Variants in ASTN2 observed in about 807,000 individuals in gnomAD.
ASTN2 encodes astrotactin-2.
ASTN2 carries 54 observed loss-of-function variants against 139.8 expected under a neutral mutation model. That is an observed-to-expected ratio of 0.39 (90% CI 0.31 to 0.48). The LOEUF is 0.48. Among genes scored for constraint, ASTN2 ranks in the 20% least tolerant of loss-of-function variants. The pLI, the probability that ASTN2 is intolerant of heterozygous loss-of-function variation, is 0.95. For missense variants in ASTN2, 1,565 were observed against 1,725.1 expected (o/e 0.91, Z 1.64); for synonymous variants, 756 against 719.5 (o/e 1.05, Z -0.81).
intron 1 of ASTN2, among the ~76,000 whole-genome samples, chr9:117,339,820 AAG>A (rs2130862603): frequency 6.6e-6 from 1 of 152,060 alleles, no homozygotes; most frequent in Admixed American, 6.6e-5. Flanking sequence ...CTATTCTGGC[AAG>A]AGACTCTCTG....
chr9:117,108,182 C>T (rs912053985), intron 4 of ASTN2, among the ~76,000 whole-genome samples: 24 of 152,172 alleles, frequency 1.6e-4, no homozygotes, highest in African/African-American at 4.6e-4. Flanking sequence ...AGTACAGAGA[C>T]GGGGTTGGTT....
intron 13 of ASTN2, among the ~76,000 whole-genome samples, chr9:116,777,801 G>C (rs1276407387): frequency 2.6e-5 from 4 of 152,120 alleles, no homozygotes; most frequent in African/African-American, 9.7e-5. Context: ...ATTTAGTGAA[G>C]TTCCTGGGAA....
At chr9:116,672,400 AG>A (rs1859252623) in intron 16 of ASTN2, among the ~76,000 whole-genome samples, 1 of 152,102 alleles carries the variant, frequency 6.6e-6, no homozygotes, top group East Asian at 1.9e-4. Flanking sequence ...ATAAACTTCT[AG>A]ACTCAGACAT....
intron 4 of ASTN2, among the ~76,000 whole-genome samples, chr9:117,109,556 T>C (rs1216417930): frequency 1.3e-5 from 2 of 152,150 alleles, no homozygotes; most frequent in Non-Finnish European, 2.9e-5. Flanking sequence ...AATACTTCTG[T>C]GTTAGAATTC....
At chr9:117,229,148 G>A (rs966357622) in intron 2 of ASTN2, among the ~76,000 whole-genome samples, 5 of 152,126 alleles carry the variant, frequency 3.3e-5, no homozygotes, top group African/African-American at 1.2e-4. Context: ...TTCCACCCCT[G>A]CTGGCAGGAC....
chr9:116,647,280 T>C (rs563883073), intron 17 of ASTN2, among the ~76,000 whole-genome samples: 1 of 152,308 alleles, frequency 6.6e-6, no homozygotes, highest in South Asian at 2.1e-4. Flanking sequence ...CCATATCCAC[T>C]TGTCATACTG....
At chr9:116,461,061 C>T (rs1404337129) in intron 20 of ASTN2, among the ~76,000 whole-genome samples, 1 of 152,068 alleles carries the variant, frequency 6.6e-6, no homozygotes, top group Non-Finnish European at 1.5e-5. Context: ...CCTCCTCTCT[C>T]TGCCTGGAAT....
intron 19 of ASTN2, among the ~76,000 whole-genome samples, chr9:116,520,753 T>C (rs890751262): frequency 2.3e-4 from 35 of 152,106 alleles, no homozygotes; most frequent in Non-Finnish European, 1.2e-4. Context: ...TAAAAAACTC[T>C]AAAGACTCAT....
chr9:116,825,088 C>T (rs1195845508), intron 11 of ASTN2, among the ~76,000 whole-genome samples: 1 of 152,176 alleles, frequency 6.6e-6, no homozygotes, highest in African/African-American at 2.4e-5. Context: ...TTGCTTGCCT[C>T]GTGACCTTGG....
intron 4 of ASTN2, among the ~76,000 whole-genome samples, chr9:117,131,639 C>T (rs1293654601): frequency 1.3e-5 from 2 of 152,156 alleles, no homozygotes; most frequent in African/African-American, 2.4e-5. Context: ...GCTTCATCTA[C>T]ATAACAAGAA....
Position 116,492,649 on chromosome 9 carries a change from C to A in ASTN2, c.3356-5149G>T, listed in dbSNP as rs535878847. Among the ~76,000 whole-genome samples the A allele has an allele frequency of 3.1e-3, 471 of 152,168 alleles. 5 individuals carry two copies. Among genetic ancestry groups the A allele is most frequent in the Middle Eastern group, 0.014 (4 of 294 alleles). On this transcript the variant is annotated intron_variant, in intron 19 of 22. Transcript: ENST00000313400. ...AAATCTCTCAAAGCTAACACAGGAG[C>A]CCTTCCTCCCCAATTTCTGACCACT... is the stretch of plus-strand genomic sequence containing the variant.
At chr9:116,950,220 T>C (rs1300674333) in intron 10 of ASTN2, among the ~76,000 whole-genome samples, 1 of 152,214 alleles carries the variant, frequency 6.6e-6, no homozygotes, top group Non-Finnish European at 1.5e-5. Context: ...ACCAACTGGA[T>C]GCCAGTAGTA....
At chr9:117,323,293 G>A (rs1044355622) in intron 1 of ASTN2, among the ~76,000 whole-genome samples, 1 of 151,948 alleles carries the variant, frequency 6.6e-6, no homozygotes, top group African/African-American at 2.4e-5. Context: ...ACCCCCCAAA[G>A]CCTCATTCTC....
rs115392296 is a variant in ASTN2, at chr9:116,953,708, C to T, written c.1889+21500G>A. Among the ~76,000 whole-genome samples, 646 of 152,334 alleles carry T rather than the reference C, an allele frequency of 4.2e-3. 4 individuals carry two copies. Among genetic ancestry groups the T allele is most frequent in the African/African-American group, 0.014 (576 of 41,584 alleles). On this transcript the variant is annotated intron_variant, in intron 10 of 22. Transcript: ENST00000313400. ...AGCATCTCCTGAGTGCAAAGCCCTG[C>T]ACTATGTGCTCAACACTTGATCCTT...
intron 4 of ASTN2, among the ~76,000 whole-genome samples, chr9:117,098,834 A>G (rs1003331021): frequency 6.6e-6 from 1 of 151,922 alleles, no homozygotes; most frequent in Non-Finnish European, 1.5e-5. Flanking sequence ...AGGGCTGGGC[A>G]TGATGGCTCA....
chr9:117,217,271 T>G (rs1212532283), intron 2 of ASTN2, among the ~76,000 whole-genome samples: 3 of 152,224 alleles, frequency 2.0e-5, no homozygotes, highest in Non-Finnish European at 2.9e-5. Flanking sequence ...GGAATCTCCT[T>G]GCCTGACCAT....
intron 19 of ASTN2, among the ~76,000 whole-genome samples, chr9:116,565,449 A>C (rs1853182791): frequency 8.1e-6 from 1 of 124,076 alleles, no homozygotes; most frequent in Non-Finnish European, 1.6e-5. Flanking sequence ...TTATTTTGAG[A>C]CAGTGTCTCA....
At chr9:116,485,295 C>A (rs544056837) in intron 20 of ASTN2, among the ~76,000 whole-genome samples, 1 of 152,096 alleles carries the variant, frequency 6.6e-6, no homozygotes, top group Non-Finnish European at 1.5e-5. Flanking sequence ...GCTCACTCAG[C>A]ATCACAGAGC....
chr9:117,331,431 G>C (rs941052856), intron 1 of ASTN2, among the ~76,000 whole-genome samples: 6 of 152,160 alleles, frequency 3.9e-5, no homozygotes, highest in African/African-American at 1.4e-4. Context: ...GGGCTTTGGA[G>C]ACAGAATATC....
Sources: gnomAD v4.1 joint callset for allele counts (sites outside exome capture counted in the v4.1 genomes callset) on GRCh38, gnomAD v4.1.1 for gene constraint, MANE v1.5 for transcripts, NCBI Gene and HGNC (gene_info 2026-07-23, HGNC 2026-07-21) for gene names.